Variants in DNM3 observed in about 807,000 individuals in gnomAD.
The protein encoded by DNM3 is dynamin-3.
In DNM3, 47 loss-of-function variants were observed where a neutral mutation model predicts 101.6. The ratio of observed to expected loss-of-function variants is 0.46; its 90% CI spans 0.37 to 0.59. The LOEUF (loss-of-function observed/expected upper bound fraction) is 0.59. DNM3 is among the 20% of genes least tolerant of loss of function. The pLI is 0.00. For missense variants in DNM3, 849 were observed against 1,085.7 expected, an observed-to-expected ratio of 0.78 and a Z score of 3.06; for synonymous variants, 385 against 387.9, an observed-to-expected ratio of 0.99 and a Z score of 0.09.
chr1:172,365,390 T>C (rs575414349), intron 17 of DNM3, among the ~76,000 whole-genome samples: 4 of 152,078 alleles, frequency 2.6e-5, no homozygotes, highest in African/African-American at 9.6e-5. Context: ...TTCTATCTAC[T>C]TTTACATATA....
intron 15 of DNM3, among the ~76,000 whole-genome samples, chr1:172,283,146 C>T (rs1457677368): frequency 1.3e-5 from 2 of 152,082 alleles, no homozygotes; most frequent in Admixed American, 6.6e-5. Flanking sequence ...TTTTTTTCCT[C>T]AATGGCAATG....
At chr1:172,218,152 A>C (rs1001210891) in intron 14 of DNM3, among the ~76,000 whole-genome samples, 1 of 152,130 alleles carries the variant, frequency 6.6e-6, no homozygotes, top group African/African-American at 2.4e-5. Flanking sequence ...GTGTTATATC[A>C]TTACAGAGAG....
intron 4 of DNM3, among the ~76,000 whole-genome samples, chr1:172,025,545 C>T (rs751390263): frequency 3.3e-5 from 5 of 152,270 alleles, no homozygotes; most frequent in South Asian, 2.1e-4. Context: ...ACACCTCATA[C>T]GGGAGAGCTC....
At position 172,081,697 on chromosome 1, in the gene DNM3, AG is replaced by A. The variant is rs2053162300; in HGVS notation, c.1423-133del. The A allele has an allele frequency of 1.6e-5, 11 of 670,058 alleles. No homozygotes were observed. In the East Asian group the frequency reaches 3.1e-4, roughly 19 times the overall value. 41.5% of individuals were successfully genotyped at this position (670,058 alleles called of 1,614,324 possible). ...TTATGAGTCTAATAAAGAAAAGTTA[AG>A]GTTACTTTTCATGCTAATTGAAGTA... On this transcript the variant is annotated intron_variant, in intron 11 of 20. Coordinates refer to ENST00000627582, the MANE Select transcript of DNM3 (RefSeq NM_015569.5).
chr1:171,887,234 T>C (rs893982868), intron 1 of DNM3, among the ~76,000 whole-genome samples: 31 of 152,186 alleles, frequency 2.0e-4, no homozygotes, highest in African/African-American at 6.0e-4. Context: ...TCTAATCTAC[T>C]ATCCTCACTT....
At position 172,368,627 on chromosome 1, in the gene DNM3, G is replaced by A. The variant is rs147752245; in HGVS notation, c.1894-10391G>A. Among the ~76,000 whole-genome samples the A allele has an allele frequency of 3.8e-3, 577 of 151,620 alleles. 3 individuals are homozygous for A. Among genetic ancestry groups the A allele is most frequent in the African/African-American group, 0.012 (488 of 41,424 alleles). ...AAGGAAAGAAATAATAAAGATCAGC[G>A]CAGAAACAGAGATTAAAACAACAAT... On this transcript the variant is annotated intron_variant, in intron 17 of 20. Coordinates refer to ENST00000627582, the MANE Select transcript of DNM3 (RefSeq NM_015569.5).
At chr1:172,403,945 T>A (rs948217049) in intron 20 of DNM3, among the ~76,000 whole-genome samples, 2 of 152,178 alleles carry the variant, frequency 1.3e-5, no homozygotes, top group Non-Finnish European at 2.9e-5. Context: ...AAATGAACTT[T>A]AACAGTAAAC....
At chr1:172,413,522 C>T (rs2071322964), downstream of DNM3, among the ~76,000 whole-genome samples, 1 of 152,194 alleles carries the variant, frequency 6.6e-6, no homozygotes, top group Non-Finnish European at 1.5e-5. Flanking sequence ...CCACCGCACC[C>T]GGCCCAGTTT....
chr1:172,375,153 G>C (rs1193789873), intron 17 of DNM3, among the ~76,000 whole-genome samples: 1 of 151,942 alleles, frequency 6.6e-6, no homozygotes, highest in Non-Finnish European at 1.5e-5. Flanking sequence ...TTCATTATTT[G>C]AGTATGTAAA....
intron 2 of DNM3, among the ~76,000 whole-genome samples, 191 bp from the exon 3 acceptor site, chr1:171,987,465 A>G (rs113625155): frequency 0.017 from 2,557 of 152,332 alleles, 67 homozygotes; most frequent in African/African-American, 0.058. Flanking sequence ...TTTAGCATCT[A>G]TAGCATTTGT....
intron 13 of DNM3, among the ~76,000 whole-genome samples, chr1:172,106,641 T>C (rs2055038885): frequency 6.6e-6 from 1 of 152,118 alleles, no homozygotes; most frequent in Non-Finnish European, 1.5e-5. Context: ...TCTATTCCTC[T>C]GTATCTGAGA....
At chr1:171,938,237 G>C (rs1241915300) in intron 2 of DNM3, among the ~76,000 whole-genome samples, 1 of 152,024 alleles carries the variant, frequency 6.6e-6, no homozygotes, top group African/African-American at 2.4e-5. Context: ...TTCACTATCA[G>C]AGGTTGAAAT....
chr1:171,971,895 G>C (rs531465297), intron 2 of DNM3, among the ~76,000 whole-genome samples: 1 of 152,298 alleles, frequency 6.6e-6, no homozygotes, highest in Admixed American at 6.5e-5. Flanking sequence ...ACCAGAAGGG[G>C]AGGAGATGGC....
At chr1:172,179,755 A>AG (rs752629470) in intron 14 of DNM3, among the ~76,000 whole-genome samples, 3 of 151,956 alleles carry the variant, frequency 2.0e-5, no homozygotes, top group Non-Finnish European at 4.4e-5. Context: ...GTACTGGGTG[A>AG]CTACTCTGTA....
chr1:171,989,133 G>A lies in DNM3; in HGVS notation c.574G>A (p.Glu192Lys). The A allele has an allele frequency of 2.5e-6, 4 of 1,612,856 alleles. No individual in the cohort carries two copies. The highest frequency in any genetic ancestry group is 2.5e-6 in the Non-Finnish European group (3 of 1,179,274). ...CTCAGATGCGCTGAAGCTAGCTAAA[G>A]AAGTTGATCCTCAAGGTGAGTGTGT... ...ANSDALKLAKEVDPQGLRTIG... is the reference protein window; with the variant it reads ...ANSDALKLAKKVDPQGLRTIG... The change falls in exon 4 of 21, where the codon GAA (glutamate) becomes AAA (lysine). Residue 192 changes from glutamate to lysine, a missense_variant. This residue lies in a region of DNM3 where 388 missense variants were observed against 483.0 expected (regional missense o/e 0.80). Transcript: ENST00000627582.
chr1:172,182,028 G>A (rs1558688049), intron 14 of DNM3, among the ~76,000 whole-genome samples: 2 of 152,030 alleles, frequency 1.3e-5, no homozygotes, highest in South Asian at 4.2e-4. Flanking sequence ...TATGTAAGGG[G>A]TTTCAAGACT....
At chr1:172,056,729 C>G (rs1429163130) in intron 10 of DNM3, among the ~76,000 whole-genome samples, 4 of 152,008 alleles carry the variant, frequency 2.6e-5, no homozygotes, top group Non-Finnish European at 4.4e-5. Context: ...TAGATAAAAC[C>G]ACAAAGATGG....
intron 4 of DNM3, among the ~76,000 whole-genome samples, chr1:172,012,071 T>C (rs919791044): frequency 6.6e-6 from 1 of 152,046 alleles, no homozygotes; most frequent in Non-Finnish European, 1.5e-5. Context: ...CTTTTCATTA[T>C]GTCAGCTCTC....
chr1:172,411,502 T>G lies in DNM3; in HGVS notation c.*3661T>G, dbSNP rs1417465528. The stretch of plus-strand genomic sequence containing the variant: ...CTGAGCTGAATCTTAAAAAGCCAAG[T>G]TGATATACATAGTCATTTTTCCTCT... On this transcript the variant is annotated 3_prime_UTR_variant, in exon 21 of 21. Transcript: ENST00000627582. The G allele has an allele frequency of 3.0e-6, 3 of 984,154 alleles. No homozygotes were observed. In the South Asian group the frequency reaches 1.4e-4, roughly 46 times the overall value. 61.0% of individuals were successfully genotyped at this position (984,154 alleles called of 1,614,324 possible).
Sources: gnomAD v4.1 joint callset for allele counts (sites outside exome capture counted in the v4.1 genomes callset) on GRCh38, gnomAD v4.1.1 for gene constraint, gnomAD v4.1.1 regional missense constraint, MANE v1.5 for transcripts, NCBI Gene and HGNC (gene_info 2026-07-23, HGNC 2026-07-21) for gene names.